Variants in VAMP7 observed in about 807,000 individuals in gnomAD.
VAMP7 encodes vesicle-associated membrane protein 7.
In VAMP7, 14 loss-of-function variants were observed where a neutral mutation model predicts 29.6. The observed-to-expected ratio is 0.47, with a 90% confidence interval of 0.31 to 0.74. VAMP7 has a LOEUF of 0.74. VAMP7 is among the 30% of genes least tolerant of loss of function. VAMP7 has a pLI of 0.05. For synonymous variants in VAMP7, 95 were observed against 88.1 expected (o/e 1.08, Z -0.44); for missense variants, 223 against 262.4 (o/e 0.85, Z 1.04).
At chrX:155,936,764 C>G (rs1399905067) in intron 6 of VAMP7, among the ~76,000 whole-genome samples, 1 of 152,214 alleles carries the variant, frequency 6.6e-6, no homozygotes, top group African/African-American at 2.4e-5. Context: ...AATCATCCGT[C>G]TTGTGCGTTG....
At chrX:155,926,991 A>G (rs1602999110) in intron 6 of VAMP7, among the ~76,000 whole-genome samples, 1 of 152,202 alleles carries the variant, frequency 6.6e-6, no homozygotes, top group South Asian at 2.1e-4. Context: ...AGTTTATGGC[A>G]CCCGAAAACA....
rs1233987041 is a variant in VAMP7, at chrX:155,881,751, T to A, written c.-10+303T>A. Among the ~76,000 whole-genome samples the A allele has an allele frequency of 2.6e-5, 4 of 152,268 alleles. No homozygotes were observed. In the South Asian group the frequency reaches 8.3e-4, roughly 32 times the overall value. Reference sequence around the variant, plus strand: ...ACAAGACCTTTCTGTAGCATTTAAATCTCTTGAGATCGCCAGAGTCTTCTA... The same window carrying A: ...ACAAGACCTTTCTGTAGCATTTAAAACTCTTGAGATCGCCAGAGTCTTCTA... On this transcript the variant is annotated intron_variant, in intron 1 of 7. Transcript: ENST00000286448.
intron 3 of VAMP7, among the ~76,000 whole-genome samples, chrX:155,896,748 T>C (rs1395952706): frequency 6.6e-6 from 1 of 152,178 alleles, no homozygotes; most frequent in African/African-American, 2.4e-5. Flanking sequence ...GGCTGCATGC[T>C]CATTTCTAAA....
chrX:155,914,031 T>C (rs1238208505), intron 5 of VAMP7, among the ~76,000 whole-genome samples: 1 of 152,202 alleles, frequency 6.6e-6, no homozygotes, highest in Admixed American at 6.5e-5. Context: ...TCCTCTCTTA[T>C]TTCCTTGAGC....
intron 1 of VAMP7, among the ~76,000 whole-genome samples, chrX:155,886,215 C>G: frequency 6.6e-6 from 1 of 152,276 alleles, no homozygotes; most frequent in East Asian, 1.9e-4. Context: ...TTTCTAACTT[C>G]AAGTGCAGTG....
intron 6 of VAMP7, among the ~76,000 whole-genome samples, chrX:155,932,657 G>A (rs2066579769): frequency 6.6e-6 from 1 of 152,118 alleles, no homozygotes; most frequent in African/African-American, 2.4e-5. Context: ...TGCAAACAGG[G>A]ACAATTTGAT....
At chrX:155,895,551 C>A in intron 2 of VAMP7, 72 bp from the exon 3 acceptor site, 1 of 1,154,552 alleles carries the variant, frequency 8.7e-7, no homozygotes, top group Non-Finnish European at 1.3e-6. Flanking sequence ...CGTGCTTATA[C>A]ATAGATAGAA....
At chrX:155,938,836 G>A (rs138611380) in intron 6 of VAMP7, among the ~76,000 whole-genome samples, 1 of 152,062 alleles carries the variant, frequency 6.6e-6, no homozygotes, top group Admixed American at 6.6e-5. Flanking sequence ...ATAAAATATA[G>A]CAGGTATTCT....
At chrX:155,912,933 C>T (rs2066258794) in intron 5 of VAMP7, among the ~76,000 whole-genome samples, 1 of 152,152 alleles carries the variant, frequency 6.6e-6, no homozygotes, top group African/African-American at 2.4e-5. Flanking sequence ...GAGGAATCGC[C>T]ACACTGTCTT....
intron 6 of VAMP7, among the ~76,000 whole-genome samples, chrX:155,932,563 C>G (rs1286270373): frequency 6.6e-6 from 1 of 151,898 alleles, no homozygotes; most frequent in East Asian, 1.9e-4. Context: ...GATTTCGTAT[C>G]AAGACTTTGC....
At position 155,935,729 on chromosome X, in the gene VAMP7, T is replaced by C. The variant is rs893651461; in HGVS notation, c.502-3972T>C. On this transcript the variant is annotated intron_variant, in intron 6 of 7. Coordinates refer to ENST00000286448, the MANE Select transcript of VAMP7 (RefSeq NM_005638.6). ...CAAAGTCATTCTCTGTCTACCTTTG[T>C]TCTGTTGCTGGTGAGGAGCTGCGTT... Among the ~76,000 whole-genome samples the C allele has an allele frequency of 2.6e-5, 4 of 152,194 alleles. No individual in the cohort carries two copies. In the East Asian group the frequency reaches 7.7e-4, roughly 29 times the overall value.
intron 5 of VAMP7, among the ~76,000 whole-genome samples, chrX:155,913,556 G>A (rs1423584139): frequency 2.0e-5 from 3 of 152,120 alleles, no homozygotes; most frequent in Non-Finnish European, 4.4e-5. Context: ...TGTATAAGGT[G>A]TAAGGAAGGG....
At chrX:155,896,584 A>G (rs1234626184) in intron 3 of VAMP7, among the ~76,000 whole-genome samples, 1 of 152,014 alleles carries the variant, frequency 6.6e-6, no homozygotes, top group African/African-American at 2.4e-5. Flanking sequence ...GGTTGCCATT[A>G]TGGTTTCGTA....
At chrX:155,904,098 C>G (rs931210339) in intron 5 of VAMP7, among the ~76,000 whole-genome samples, 2 of 150,426 alleles carry the variant, frequency 1.3e-5, no homozygotes, top group African/African-American at 4.9e-5. Context: ...AGTAAACTAT[C>G]GCAAGAACAA....
intron 6 of VAMP7, among the ~76,000 whole-genome samples, chrX:155,934,515 A>G (rs2066616510): frequency 6.6e-6 from 1 of 152,112 alleles, no homozygotes; most frequent in African/African-American, 2.4e-5. Flanking sequence ...AGAGACTAGG[A>G]TTGCAACCCC....
chrX:155,896,744 A>G (rs2065992933), intron 3 of VAMP7, among the ~76,000 whole-genome samples: 1 of 152,104 alleles, frequency 6.6e-6, no homozygotes, highest in African/African-American at 2.4e-5. Flanking sequence ...TATTGGCTGC[A>G]TGCTCATTTC....
At chrX:155,936,526 C>A (rs1181018361) in intron 6 of VAMP7, among the ~76,000 whole-genome samples, 4 of 152,204 alleles carry the variant, frequency 2.6e-5, no homozygotes, top group Non-Finnish European at 4.4e-5. Flanking sequence ...TCCTGGTGTG[C>A]TGTTTGCTAA....
chrX:155,935,287 C>T (rs2066632382), intron 6 of VAMP7, among the ~76,000 whole-genome samples: 1 of 152,250 alleles, frequency 6.6e-6, no homozygotes, highest in East Asian at 1.9e-4. Flanking sequence ...TAATATCCTG[C>T]AGAGTGTTTT....
At chrX:155,911,927 T>C (rs185089281) in intron 5 of VAMP7, among the ~76,000 whole-genome samples, 6 of 152,272 alleles carry the variant, frequency 3.9e-5, no homozygotes, top group Admixed American at 2.0e-4. Flanking sequence ...ACATCCTCTT[T>C]TTCAATTTGG....
Sources: gnomAD v4.1 joint callset for allele counts (sites outside exome capture counted in the v4.1 genomes callset) on GRCh38, gnomAD v4.1.1 for gene constraint, MANE v1.5 for transcripts, NCBI Gene and HGNC (gene_info 2026-07-23, HGNC 2026-07-21) for gene names.